Variants in IL17A observed in about 807,000 individuals in gnomAD.
IL17A encodes the protein interleukin 17A.
Under a neutral mutation model 7.2 loss-of-function variants are expected in IL17A, and 1 was observed. The observed-to-expected ratio is 0.14, with a 90% CI of 0.05 to 0.66. The LOEUF (loss-of-function observed/expected upper bound fraction) is 0.66. IL17A is among the 30% of genes least tolerant of loss of function. The pLI is 0.84. For synonymous variants in IL17A, 90 were observed against 77.7 expected, an observed-to-expected ratio of 1.16 and a Z score of -0.83; for missense variants, 191 against 197.1, an observed-to-expected ratio of 0.97 and a Z score of 0.18.
In IL17A at chr6:52,189,330, C is replaced by T. The variant is rs1763337952; in HGVS notation, c.*38C>T. 2.0e-6 allele frequency: 3 copies of T among 1,515,204 alleles called. No homozygotes were observed. Among genetic ancestry groups the T allele is most frequent in the Admixed American group, 3.4e-5 (2 of 58,862 alleles). The allele number at this position is 1,515,204 out of a possible 1,614,324, so 93.9% of individuals were successfully genotyped here. On this transcript the variant is annotated 3_prime_UTR_variant, in exon 3 of 3. Transcript: ENST00000648244. The stretch of plus-strand genomic sequence containing the variant: ...GCCCACACTCCCCAAAGCAGTTAGA[C>T]TATGGAGAGCCGACCCAGCCCCTCA...
At chr6:52,187,093 G>A (rs572249405) in intron 1 of IL17A, among the ~76,000 whole-genome samples, 52 of 152,286 alleles carry the variant, frequency 3.4e-4, no homozygotes, top group African/African-American at 1.2e-3. Flanking sequence ...CCTGCCAGTA[G>A]CACCAACAGC....
Position 52,189,424 on chromosome 6 carries a change from C to A in IL17A, c.*132C>A. On this transcript the variant is annotated 3_prime_UTR_variant, in exon 3 of 3. Transcript: ENST00000648244. ...CATTAGAGTTCTTAAGGCAGTTTGT[C>A]CAATTAAAGCTTCAGAGGTAACACT... is the stretch of plus-strand genomic sequence containing the variant. 1 of 630,990 alleles carries A rather than the reference C, an allele frequency of 1.6e-6. No homozygotes were observed. Among genetic ancestry groups the A allele is most frequent in the Admixed American group, 3.0e-5 (1 of 33,846 alleles). 39.1% of individuals were successfully genotyped at this position (630,990 alleles called of 1,614,324 possible).
chr6:52,188,437 G>A (rs1172032004), intron 2 of IL17A, among the ~76,000 whole-genome samples: 1 of 152,158 alleles, frequency 6.6e-6, no homozygotes, highest in African/African-American at 2.4e-5. Flanking sequence ...CTACAGATTG[G>A]TCTGATTGTA....
chr6:52,186,851 C>T (rs899825134), intron 1 of IL17A, among the ~76,000 whole-genome samples: 3 of 152,132 alleles, frequency 2.0e-5, no homozygotes, highest in African/African-American at 7.2e-5. Flanking sequence ...CAGCAACAAC[C>T]TTTGTTTCCA....
chr6:52,186,532 C>A, intron 1 of IL17A, 74 bp downstream of exon 1: 1 of 1,423,218 alleles, frequency 7.0e-7, no homozygotes, highest in Non-Finnish European at 9.9e-7. Context: ...GGGCATGAAA[C>A]GCTGGGTTCT....
chr6:52,189,507 T>C lies in IL17A; in HGVS notation c.*215T>C, dbSNP rs1763340881. ...CTCTTTCCAAGAAGGAAGGTTTGAC[T>C]GAGTACCAATTTGCTTCTTGTTTAC... On this transcript the variant is annotated 3_prime_UTR_variant, in exon 3 of 3. Coordinates refer to ENST00000648244, the MANE Select transcript of IL17A (RefSeq NM_002190.3). 2 of 479,660 alleles carry C rather than the reference T, an allele frequency of 4.2e-6. No individual in the cohort carries two copies. The highest frequency in any genetic ancestry group is 3.9e-5 in the African/African-American group (2 of 51,300). 29.7% of individuals were successfully genotyped at this position (479,660 alleles called of 1,614,324 possible). A position where few individuals can be genotyped will look rare whatever the true frequency, so the allele number is the denominator to read the frequency against.
intron 1 of IL17A, 67 bp from the exon 2 acceptor site, chr6:52,187,536 A>C (rs1763305713): frequency 8.1e-7 from 1 of 1,235,342 alleles, no homozygotes; most frequent in Non-Finnish European, 1.2e-6. Flanking sequence ...ATCACAATTA[A>C]TTTGTCAAAA....
At chr6:52,187,842 C>A (rs1444078027) in intron 2 of IL17A, 37 bp downstream of exon 2, 1 of 1,513,508 alleles carries the variant, frequency 6.6e-7, no homozygotes, top group African/African-American at 1.4e-5. Context: ...CTATATTCTT[C>A]ATCCCTCTTA....
At chr6:52,186,850 C>T (rs562745090) in intron 1 of IL17A, among the ~76,000 whole-genome samples, 2 of 152,250 alleles carry the variant, frequency 1.3e-5, no homozygotes, top group East Asian at 3.9e-4. Flanking sequence ...GCAGCAACAA[C>T]CTTTGTTTCC....
In IL17A at chr6:52,187,176, C is replaced by T. The variant is rs748970691; in HGVS notation, c.28-427C>T. 5.9e-4 allele frequency among the ~76,000 whole-genome samples: 90 copies of T among 152,106 alleles called. 1 individual carries two copies. Among genetic ancestry groups the T allele is most frequent in the Admixed American group, 7.9e-4 (12 of 15,264 alleles). On this transcript the variant is annotated intron_variant, in intron 1 of 2. Transcript: ENST00000648244. ...CTTCCAATGTGAATGTTTGACTTCA[C>T]GATGAGTTTCACAGAATATGGGACT...
chr6:52,187,820 C>G lies in IL17A; in HGVS notation c.230+15C>G, dbSNP rs1444727648. 1 of 1,602,546 alleles carries G rather than the reference C, an allele frequency of 6.2e-7. No individual in the cohort carries two copies. The highest frequency in any genetic ancestry group is 8.5e-7 in the Non-Finnish European group (1 of 1,169,624). ...TGGAATCTCCAGTACGTAAAGCTTC[C>G]AGATAAAAATGCTATATTCTTCATC... On this transcript the variant is annotated intron_variant, in intron 2 of 2. Transcript: ENST00000648244.
rs749330540 is a variant in IL17A, at chr6:52,189,333, T to C, written c.*41T>C. 2 of 1,505,534 alleles carry C rather than the reference T, an allele frequency of 1.3e-6. No individual in the cohort carries two copies. Among genetic ancestry groups the C allele is most frequent in the Non-Finnish European group, 1.8e-6 (2 of 1,086,908 alleles). 93.3% of individuals were successfully genotyped at this position (1,505,534 alleles called of 1,614,324 possible). ...CACACTCCCCAAAGCAGTTAGACTA[T>C]GGAGAGCCGACCCAGCCCCTCAGGA... is the stretch of plus-strand genomic sequence containing the variant. On this transcript the variant is annotated 3_prime_UTR_variant, in exon 3 of 3. Transcript: ENST00000648244.
chr6:52,189,406 G>A lies in IL17A; in HGVS notation c.*114G>A. The A allele has an allele frequency of 2.7e-6, 2 of 727,644 alleles. No individual in the cohort carries two copies. Among genetic ancestry groups the A allele is most frequent in the Non-Finnish European group, 4.6e-6 (2 of 438,414 alleles). 45.1% of individuals were successfully genotyped at this position (727,644 alleles called of 1,614,324 possible). Reference sequence around the variant, plus strand: ...CTCATTTCGGACTAAACTCATTAGAGTTCTTAAGGCAGTTTGTCCAATTAA... The same window carrying A: ...CTCATTTCGGACTAAACTCATTAGAATTCTTAAGGCAGTTTGTCCAATTAA... On this transcript the variant is annotated 3_prime_UTR_variant, in exon 3 of 3. Coordinates refer to ENST00000648244, the MANE Select transcript of IL17A (RefSeq NM_002190.3).
intron 2 of IL17A, 82 bp downstream of exon 2, chr6:52,187,887 G>A (rs576446543): frequency 8.5e-7 from 1 of 1,180,436 alleles, no homozygotes; most frequent in South Asian, 1.3e-5. Flanking sequence ...CCCTGAGGAT[G>A]ATTTTATTCA....
chr6:52,187,951 CT>C, intron 2 of IL17A, 146 bp downstream of exon 2: 1 of 691,180 alleles, frequency 1.4e-6, no homozygotes, highest in East Asian at 2.7e-5. Flanking sequence ...AATTCTCAAA[CT>C]TTCTACAGAT....
At chr6:52,188,983 T>G (rs1392456895) in intron 2 of IL17A, 72 bp from the exon 3 acceptor site, 14 of 1,168,498 alleles carry the variant, frequency 1.2e-5, no homozygotes, top group Non-Finnish European at 1.8e-5. Flanking sequence ...CCTCTCTTCA[T>G]GTATTCCTGT....
rs1763285909 is a variant in IL17A, at chr6:52,186,440, TG to T, written c.12del (p.Lys5ArgfsTer11). ...GATTGGAAGAAACAACGATGACTCC[TG>T]GGAAGACCTCATTGGTGGTGAGTCC... Reference protein sequence around the residue: MTPGKTSLVSLLLL... With the variant: MTPXKTSLVSLLLL... On this transcript the variant is annotated frameshift_variant, in exon 1 of 3. Coordinates refer to ENST00000648244, the MANE Select transcript of IL17A (RefSeq NM_002190.3). LOFTEE classifies it high-confidence loss of function. The T allele has an allele frequency of 6.2e-7, 1 of 1,613,864 alleles. No individual in the cohort carries two copies. Among genetic ancestry groups the T allele is most frequent in the South Asian group, 1.1e-5 (1 of 91,074 alleles).
Position 52,187,634 on chromosome 6 carries a change from T to A in IL17A, c.59T>A (p.Ile20Lys). The part of the protein sequence containing the change: ...SLLLLLSLEA[I>K]VKAGITIPRN... ...CTACTGCTGCTGAGCCTGGAGGCCA[T>A]AGTGAAGGCAGGAATCACAATCCCA... Residue 20 changes from isoleucine to lysine, a missense_variant, in exon 2 of 3, where the codon ATA (isoleucine) becomes AAA (lysine). Coordinates refer to ENST00000648244, the MANE Select transcript of IL17A (RefSeq NM_002190.3). 1 of 1,614,108 alleles carries A rather than the reference T, an allele frequency of 6.2e-7. No homozygotes were observed. Among genetic ancestry groups the A allele is most frequent in the Non-Finnish European group, 8.5e-7 (1 of 1,179,958 alleles).
rs767872393 is a variant in IL17A, at chr6:52,189,200, C to A, written c.376C>A (p.Pro126Thr). 2.5e-6 allele frequency: 4 copies of A among 1,614,146 alleles called. No homozygotes were observed. The highest frequency in any genetic ancestry group is 2.5e-6 in the Non-Finnish European group (3 of 1,180,002). ...AGAGATCCTGGTCCTGCGCAGGGAGCCTCCACACTGCCCCAACTCCTTCCG... is the reference window on the plus strand; with the variant it reads ...AGAGATCCTGGTCCTGCGCAGGGAGACTCCACACTGCCCCAACTCCTTCCG... ...QQEILVLRRE[P>T]PHCPNSFRLE... The change falls in exon 3 of 3, where the codon CCT becomes ACT. Residue 126 changes from proline to threonine, a missense_variant. Pro to Thr is a conservative substitution (Grantham distance 38). Coordinates refer to ENST00000648244, the MANE Select transcript of IL17A (RefSeq NM_002190.3).
Sources: allele counts gnomAD v4.1 joint callset (sites outside exome capture counted in the v4.1 genomes callset), GRCh38; gene constraint gnomAD v4.1.1; transcripts MANE v1.5; gene names NCBI Gene and HGNC (gene_info 2026-07-23, HGNC 2026-07-21).